The following ENPP3 variants were observed in gnomAD, a reference collection of about 807,000 sequenced individuals.
The protein encoded by ENPP3 is ectonucleotide pyrophosphatase/phosphodiesterase 3, also known as ectonucleotide pyrophosphatase/phosphodiesterase family member 3.
ENPP3 carries 104 observed loss-of-function variants against 117.8 expected under a neutral mutation model. The ratio of observed to expected loss-of-function variants is 0.88; its 90% CI spans 0.75 to 1.04. ENPP3 has a LOEUF of 1.04. ENPP3 is among the 50% of genes least tolerant of loss of function. ENPP3 has a pLI of 0.00. For synonymous variants in ENPP3, 380 were observed against 349.9 expected (o/e 1.09, Z -0.96); for missense variants, 1,026 against 1,051.9 (o/e 0.98, Z 0.34).
At chr6:131,641,799 GTTTTTTTTT>G (rs540011427) in intron 2 of ENPP3, among the ~76,000 whole-genome samples, 16 of 64,062 alleles carry the variant, frequency 2.5e-4, no homozygotes, top group Admixed American at 8.1e-4. Context: ...CTCCACCCTG[GTTTTTTTTT>G]TTTTTTTTTT....
intron 24 of ENPP3, among the ~76,000 whole-genome samples, chr6:131,741,704 G>A (rs985643979): frequency 6.6e-6 from 1 of 152,162 alleles, no homozygotes; most frequent in South Asian, 2.1e-4. Flanking sequence ...TAGGAAAAAG[G>A]CAGAAAGAGG....
chr6:131,654,686 T>C (rs1778346804), intron 5 of ENPP3, among the ~76,000 whole-genome samples: 3 of 152,050 alleles, frequency 2.0e-5, no homozygotes, highest in Admixed American at 2.0e-4. Context: ...CAAGTGATCC[T>C]GCCATCTTGG....
chr6:131,720,304 G>A lies in ENPP3; in HGVS notation c.1492G>A (p.Ala498Thr). 5.0e-6 allele frequency: 8 copies of A among 1,589,056 alleles called. No individual in the cohort carries two copies. Among genetic ancestry groups the A allele is most frequent in the Non-Finnish European group, 6.9e-6 (8 of 1,164,286 alleles). The change falls in exon 17 of 25, where the codon GCA becomes ACA. Residue 498 changes from alanine (A) to threonine (T), a missense_variant. Transcript: ENST00000357639. Reference protein sequence around the residue: ...EFRSMEAIFLAHGPSFKEKTE... With the variant: ...EFRSMEAIFLTHGPSFKEKTE... Reference sequence around the variant, plus strand: ...TATTATGACCTAGGCTATCTTTCTGGCACATGGACCCAGTTTTAAAGAGAA... The same window carrying A: ...TATTATGACCTAGGCTATCTTTCTGACACATGGACCCAGTTTTAAAGAGAA...
intron 14 of ENPP3, among the ~76,000 whole-genome samples, chr6:131,692,556 G>T: frequency 6.7e-6 from 1 of 149,960 alleles, no homozygotes; most frequent in East Asian, 2.0e-4. Context: ...TACTAATATG[G>T]TATATATATT....
intron 18 of ENPP3, among the ~76,000 whole-genome samples, chr6:131,723,825 T>TCACACACACACACACACACACACACA (rs780029112): frequency 7.1e-6 from 1 of 140,782 alleles, no homozygotes; most frequent in African/African-American, 3.0e-5. Flanking sequence ...TCTCTCTCTC[T>TCACACACACACACACACACACACACA]CTCACACACA....
In ENPP3 at chr6:131,733,669, T is replaced by C. The variant is rs1562480629; in HGVS notation, c.2035T>C (p.Cys679Arg). 6.2e-7 allele frequency: 1 copy of C among 1,614,154 alleles called. No homozygotes were observed. The change falls in exon 21 of 25, where the codon TGT becomes CGT. Residue 679 changes from cysteine (C) to arginine (R), a missense_variant. Cys to Arg is a radical substitution (Grantham distance 180). Coordinates refer to ENST00000357639, the MANE Select transcript of ENPP3 (RefSeq NM_005021.5). Reference protein sequence around the residue: ...VRVPPSESQKCSFYLADKNIT... With the variant: ...VRVPPSESQKRSFYLADKNIT... ...GGTTCCTCCTTCTGAGAGCCAAAAA[T>C]GTTCCTTCTATTTAGCAGACAAGAA... is the stretch of plus-strand genomic sequence containing the variant.
At chr6:131,736,958 C>G (rs374219020) in intron 21 of ENPP3, among the ~76,000 whole-genome samples, 41 of 152,086 alleles carry the variant, frequency 2.7e-4, no homozygotes, top group African/African-American at 9.4e-4. Flanking sequence ...ACCTCTGCCT[C>G]CATCTTCACA....
chr6:131,739,859 C>T (rs1333614446), intron 23 of ENPP3, among the ~76,000 whole-genome samples: 2 of 150,748 alleles, frequency 1.3e-5, no homozygotes, highest in Non-Finnish European at 2.9e-5. Context: ...TCATTTGAGC[C>T]CAGGAGTTTA....
At chr6:131,732,220 A>G (rs1271951949) in intron 20 of ENPP3, among the ~76,000 whole-genome samples, 1 of 152,204 alleles carries the variant, frequency 6.6e-6, no homozygotes, top group Non-Finnish European at 1.5e-5. Flanking sequence ...GGCAGTAGAG[A>G]GCATACAAAT....
intron 15 of ENPP3, among the ~76,000 whole-genome samples, chr6:131,707,068 T>C (rs1240640228): frequency 3.2e-5 from 3 of 94,760 alleles, no homozygotes; most frequent in Non-Finnish European, 5.5e-5. Flanking sequence ...TAAGCATAAA[T>C]ATTTATTTAT....
At chr6:131,728,088 C>G (rs1780196444) in intron 20 of ENPP3, among the ~76,000 whole-genome samples, 1 of 152,172 alleles carries the variant, frequency 6.6e-6, no homozygotes, top group Non-Finnish European at 1.5e-5. Context: ...ATTTTACCAA[C>G]AGTTACCTGA....
At chr6:131,646,975 T>C (rs1249841546) in intron 2 of ENPP3, among the ~76,000 whole-genome samples, 1 of 148,422 alleles carries the variant, frequency 6.7e-6, no homozygotes, top group Non-Finnish European at 1.5e-5. Context: ...CCAGCTACTT[T>C]TTTTTTTTTT....
chr6:131,683,027 C>A, intron 11 of ENPP3, 27 bp from the exon 12 acceptor site: 8 of 1,364,466 alleles, frequency 5.9e-6, no homozygotes, highest in Non-Finnish European at 8.4e-6. Context: ...CTCATTACGA[C>A]AATCTTAACT....
At chr6:131,726,017 C>G (rs765000384) in intron 19 of ENPP3, 29 bp from the exon 20 acceptor site, 2 of 1,553,726 alleles carry the variant, frequency 1.3e-6, no homozygotes, top group South Asian at 1.1e-5. Flanking sequence ...TTTCATGAAC[C>G]TTTTTATTTT....
Position 131,675,097 on chromosome 6 carries a change from G to A in ENPP3, c.780G>A (p.Met260Ile), listed in dbSNP as rs184122149. The A allele has an allele frequency of 8.9e-5, 143 of 1,612,904 alleles. 1 individual carries two copies. Among genetic ancestry groups the A allele is most frequent in the Admixed American group, 6.7e-4 (40 of 59,992 alleles). Residue 260 changes from methionine to isoleucine, a missense_variant, in exon 9 of 25, where the codon ATG becomes ATA. Met to Ile is a conservative substitution (Grantham distance 10, BLOSUM62 1). Transcript: ENST00000357639. Reference protein sequence around the residue: ...WHGQPMWLTAMYQGLKAATYF... With the variant: ...WHGQPMWLTAIYQGLKAATYF... ...TCTTACAGATGTGGCTGACAGCAAT[G>A]TATCAAGGTTTAAAAGCCGCTACCT... is the stretch of plus-strand genomic sequence containing the variant.
intron 2 of ENPP3, among the ~76,000 whole-genome samples, chr6:131,643,673 G>A (rs1271155589): frequency 1.3e-5 from 2 of 152,008 alleles, no homozygotes; most frequent in Non-Finnish European, 2.9e-5. Flanking sequence ...TCTAATGTGA[G>A]TTTTAAAATT....
At chr6:131,740,029 A>C (rs1400639936) in intron 23 of ENPP3, among the ~76,000 whole-genome samples, 195 bp from the exon 24 acceptor site, 1 of 151,964 alleles carries the variant, frequency 6.6e-6, no homozygotes, top group African/African-American at 2.4e-5. Context: ...CCTTTGGTGG[A>C]GTCAGATTTT....
At chr6:131,658,826 A>G (rs1778440731) in intron 6 of ENPP3, among the ~76,000 whole-genome samples, 2 of 152,152 alleles carry the variant, frequency 1.3e-5, no homozygotes, top group Non-Finnish European at 2.9e-5. Flanking sequence ...CCACCACTTC[A>G]GCCGATATCA....
intron 15 of ENPP3, among the ~76,000 whole-genome samples, chr6:131,712,668 T>C (rs532103821): frequency 7.1e-6 from 1 of 140,930 alleles, no homozygotes; most frequent in South Asian, 2.2e-4. Context: ...CAAAATGGCA[T>C]GTATACACCC....
Sources: allele counts gnomAD v4.1 joint callset (sites outside exome capture counted in the v4.1 genomes callset), GRCh38; gene constraint gnomAD v4.1.1; transcripts MANE v1.5; gene names NCBI Gene and HGNC (gene_info 2026-07-23, HGNC 2026-07-21).